Variants in PLOD3 observed in about 807,000 individuals in gnomAD.
PLOD3 encodes procollagen-lysine,2-oxoglutarate 5-dioxygenase 3, also known as multifunctional procollagen lysine hydroxylase and glycosyltransferase LH3.
A neutral mutation model predicts 96.9 loss-of-function variants in PLOD3; 73 were observed. The observed-to-expected ratio is 0.75, with a 90% CI of 0.62 to 0.92. The LOEUF is 0.92. Among genes scored for constraint, PLOD3 ranks in the 40% least tolerant of loss-of-function variants. The pLI is 0.00. For missense variants in PLOD3, 1,004 were observed against 1,004.3 expected (o/e 1.00, Z 0.00); for synonymous variants, 454 against 413.7 (o/e 1.10, Z -1.18).
intron 10 of PLOD3, 107 bp from the exon 11 acceptor site, chr7:101,212,057 C>T: frequency 1.9e-6 from 2 of 1,037,078 alleles, no homozygotes; most frequent in Non-Finnish European, 1.4e-6. Context: ...GTCTATCCTT[C>T]CTTCCCCAGG....
In PLOD3 at chr7:101,206,078, G is replaced by A; in HGVS notation, c.*203C>T. Reference sequence around the variant, plus strand: ...AAGCCCTGTGCCCACGAACCCCTGTGGGCGGAGGAGAGAGGCGGGGACTCC... The same window carrying A: ...AAGCCCTGTGCCCACGAACCCCTGTAGGCGGAGGAGAGAGGCGGGGACTCC... On this transcript the variant is annotated 3_prime_UTR_variant, in exon 19 of 19. Transcript: ENST00000223127. 4.5e-6 allele frequency: 3 copies of A among 666,314 alleles called. No individual in the cohort carries two copies. In the South Asian group the frequency reaches 5.0e-5, roughly 11 times the overall value. The allele number at this position is 666,314 out of a possible 1,614,324, so 41.3% of individuals were successfully genotyped here.
chr7:101,212,139 G>A, intron 10 of PLOD3, 114 bp downstream of exon 10: 2 of 1,386,442 alleles, frequency 1.4e-6, no homozygotes, highest in Non-Finnish European at 1.0e-6. Context: ...CGAATGGGGA[G>A]GCCCAGGAGG....
chr7:101,216,271 T>G lies in PLOD3; in HGVS notation c.394A>C (p.Ser132Arg). 6.2e-7 allele frequency: 1 copy of G among 1,613,618 alleles called. No individual in the cohort carries two copies. The highest frequency in any genetic ancestry group is 8.5e-7 in the Non-Finnish European group (1 of 1,180,020). ...GCAGAGAAGAGCAGGCGGCTGCCAC[T>G]CTGGACGAACTTCTTCAGCAGCTCT... ...PTELLKKFVQ[S>R]GSRLLFSAES... The change falls in exon 4 of 19, where the codon AGT becomes CGT. Residue 132 changes from serine (S) to arginine (R), a missense_variant. Ser to Arg is a moderately radical substitution (Grantham distance 110, BLOSUM62 -1). This residue lies in a region of PLOD3 where 690 missense variants were observed against 650.2 expected (regional missense o/e 1.06). Transcript: ENST00000223127.
chr7:101,211,759 C>A (rs781281985), intron 11 of PLOD3, 43 bp from the exon 12 acceptor site: 1 of 1,593,776 alleles, frequency 6.3e-7, no homozygotes, highest in South Asian at 1.1e-5. Flanking sequence ...CGGGAGCAGG[C>A]CTGGGGAGCC....
At position 101,216,566 on chromosome 7, in the gene PLOD3, G is replaced by A. The variant is rs1291853253; in HGVS notation, c.202-20C>T. On this transcript the variant is annotated intron_variant, in intron 2 of 18. Coordinates refer to ENST00000223127, the MANE Select transcript of PLOD3 (RefSeq NM_001084.5). ...CAGGGTCTGTGGAGAAGATTGCCCCGTGCCAGGCAAGGGGTGGGGAGTTGT... is the reference window on the plus strand; with the variant it reads ...CAGGGTCTGTGGAGAAGATTGCCCCATGCCAGGCAAGGGGTGGGGAGTTGT... 5 of 1,613,736 alleles carry A rather than the reference G, an allele frequency of 3.1e-6. No homozygotes were observed. Among genetic ancestry groups the A allele is most frequent in the East Asian group, 4.5e-5 (2 of 44,858 alleles).
At chr7:101,211,341 A>G in intron 12 of PLOD3, 1 of 478,020 alleles carries the variant, frequency 2.1e-6, no homozygotes, top group South Asian at 2.7e-5. Flanking sequence ...CACCGTGCCC[A>G]GCTAATATTT....
At position 101,217,398 on chromosome 7, in the gene PLOD3, C is replaced by T. The variant is rs867828998; in HGVS notation, c.-124G>A. ...GCTGCTGTGCGGCCGCCGCGGGGAG[C>T]AGCTTGGCTGGGGCTACGCCCTGAA... is the stretch of plus-strand genomic sequence containing the variant. On this transcript the variant is annotated 5_prime_UTR_variant, in exon 1 of 19. Coordinates refer to ENST00000223127, the MANE Select transcript of PLOD3 (RefSeq NM_001084.5). 2.0e-6 allele frequency: 2 copies of T among 994,204 alleles called. No individual in the cohort carries two copies. Among genetic ancestry groups the T allele is most frequent in the African/African-American group, 1.7e-5 (1 of 58,656 alleles). 61.6% of individuals were successfully genotyped at this position (994,204 alleles called of 1,614,324 possible). A position where few individuals can be genotyped will look rare whatever the true frequency, so the allele number is the denominator to read the frequency against.
At position 101,212,247 on chromosome 7, in the gene PLOD3, G is replaced by A. The variant is rs780052403; in HGVS notation, c.1127+6C>T. The A allele has an allele frequency of 8.1e-6, 13 of 1,611,920 alleles. No homozygotes were observed. In the East Asian group the frequency reaches 1.3e-4, roughly 17 times the overall value. On this transcript the variant is annotated splice_donor_region_variant and intron_variant, in intron 10 of 18. Coordinates refer to ENST00000223127, the MANE Select transcript of PLOD3 (RefSeq NM_001084.5). The stretch of plus-strand genomic sequence containing the variant: ...CACCCTCTCCTCCCCGCAAGCACCC[G>A]CTCACATGGCCATGTCCCTGGCCTC...
Position 101,206,101 on chromosome 7 carries a change from T to C in PLOD3, c.*180A>G. The C allele has an allele frequency of 1.4e-6, 1 of 715,174 alleles. No homozygotes were observed. The highest frequency in any genetic ancestry group is 2.6e-5 in the East Asian group (1 of 38,324). 44.3% of individuals were successfully genotyped at this position (715,174 alleles called of 1,614,324 possible). A position where few individuals can be genotyped will look rare whatever the true frequency, so the allele number is the denominator to read the frequency against. On this transcript the variant is annotated 3_prime_UTR_variant, in exon 19 of 19. Coordinates refer to ENST00000223127, the MANE Select transcript of PLOD3 (RefSeq NM_001084.5). ...GTGGGCGGAGGAGAGAGGCGGGGAC[T>C]CCGGGAGCTTCCTGAGAGGGCCGTG... is the stretch of plus-strand genomic sequence containing the variant.
rs771951643 is a variant in PLOD3 at position 101,206,847 on chromosome 7, G to A, written c.1993C>T (p.Arg665Trp). ...RYRPDEQPSL[R>W]PHHDSSTFTL... is the part of the protein sequence containing the mutation. ...AAGGTGGATGAGTCGTGGTGTGGCCGCAGAGACGGCTGCTCGTCTGGCCGG... is the reference window on the plus strand; with the variant it reads ...AAGGTGGATGAGTCGTGGTGTGGCCACAGAGACGGCTGCTCGTCTGGCCGG... The change falls in exon 18 of 19, where the codon CGG becomes TGG. Residue 665 changes from arginine (R) to tryptophan (W), a missense_variant. Arg to Trp is a moderately radical substitution (Grantham distance 101). This residue lies in a region of PLOD3 where 222 missense variants were observed against 220.4 expected (regional missense o/e 1.01). Coordinates refer to ENST00000223127, the MANE Select transcript of PLOD3 (RefSeq NM_001084.5). The A allele has an allele frequency of 2.7e-5, 42 of 1,568,434 alleles. No homozygotes were observed. Among genetic ancestry groups the A allele is most frequent in the Non-Finnish European group, 3.2e-5 (37 of 1,156,354 alleles).
At position 101,212,267 on chromosome 7, in the gene PLOD3, G is replaced by C. The variant is rs777248501; in HGVS notation, c.1113C>G (p.Ala371=). Reference sequence around the variant, plus strand: ...CACCCGCTCACATGGCCATGTCCCTGGCCTCGCCTGGGCTCAGAGCCTCCT... The same window carrying C: ...CACCCGCTCACATGGCCATGTCCCTCGCCTCGCCTGGGCTCAGAGCCTCCT... The part of the protein sequence containing the change: ...GPEEALSPGE[A]RDMAMDLCRQ... Residue 371 remains alanine, a synonymous_variant, in exon 10 of 19, where the codon GCC becomes GCG. Coordinates refer to ENST00000223127, the MANE Select transcript of PLOD3 (RefSeq NM_001084.5). 5.6e-6 allele frequency: 9 copies of C among 1,612,980 alleles called. No homozygotes were observed. Among genetic ancestry groups the C allele is most frequent in the African/African-American group, 2.7e-5 (2 of 74,892 alleles).
chr7:101,213,271 T>A, intron 6 of PLOD3, 67 bp from the exon 7 acceptor site: 1 of 1,041,556 alleles, frequency 9.6e-7, no homozygotes, highest in African/African-American at 1.6e-5. Context: ...CACATTCTTC[T>A]AAATATGGGG....
intron 6 of PLOD3, among the ~76,000 whole-genome samples, chr7:101,214,494 C>T (rs1798237391): frequency 6.6e-6 from 1 of 152,166 alleles, no homozygotes; most frequent in Non-Finnish European, 1.5e-5. Context: ...AAGCTGTTTT[C>T]CTCATCTGTA....
intron 16 of PLOD3, 140 bp from the exon 17 acceptor site, chr7:101,207,864 CGGCCT>C: frequency 1.1e-6 from 1 of 903,626 alleles, no homozygotes; most frequent in Admixed American, 2.3e-5. Flanking sequence ...TGCTACTTCT[CGGCCT>C]GACTCACTGC....
Position 101,216,193 on chromosome 7 carries a change from C to G in PLOD3, c.472G>C (p.Gly158Arg), listed in dbSNP as rs766353700. ...GAATTGAGGAAGCGCTTCCCCGTGC[C>G]CACCTCAGGGTACTGCTCCGCCAGC... ...WGLAEQYPEV[G>R]TGKRFLNSGG... The change falls in exon 4 of 19, where the codon GGC (glycine) becomes CGC (arginine). Residue 158 changes from glycine (G) to arginine (R), a missense_variant. Gly to Arg is a moderately radical substitution (Grantham distance 125, BLOSUM62 -2). Transcript: ENST00000223127. 1.2e-6 allele frequency: 2 copies of G among 1,614,068 alleles called. No homozygotes were observed. Among genetic ancestry groups the G allele is most frequent in the South Asian group, 2.2e-5 (2 of 91,090 alleles).
In PLOD3 at chr7:101,206,807, G is replaced by GC; in HGVS notation, c.2032dup (p.Ala678GlyfsTer10). ...ATAGTCCAGGCCCTTGTGGTTGAGG[G>GC]CAACGTTGAGGGTGAAGGTGGATGA... On this transcript the variant is annotated frameshift_variant, in exon 18 of 19. Transcript: ENST00000223127. LOFTEE classifies it low-confidence loss of function (END_TRUNC). 6.3e-7 allele frequency: 1 copy of GC among 1,582,682 alleles called. No homozygotes were observed. Among genetic ancestry groups the GC allele is most frequent in the Admixed American group, 1.8e-5 (1 of 55,062 alleles).
chr7:101,207,809 C>T (rs912057031), intron 16 of PLOD3, 85 bp from the exon 17 acceptor site: 28 of 1,448,146 alleles, frequency 1.9e-5, no homozygotes, highest in Middle Eastern at 2.2e-4. Flanking sequence ...TCCTCCCGTC[C>T]TCCAGCCTTC....
At chr7:101,213,061 G>T in intron 7 of PLOD3, 46 bp downstream of exon 7, 1 of 1,440,774 alleles carries the variant, frequency 6.9e-7, no homozygotes, top group Non-Finnish European at 9.7e-7. Flanking sequence ...GGAGGTGCCT[G>T]GGGGTTGGGG....
Position 101,216,538 on chromosome 7 carries a change from G to A in PLOD3, c.210C>T (p.Gly70=), listed in dbSNP as rs752387907. The change falls in exon 3 of 19, where the codon GGC becomes GGT. Residue 70 remains glycine (G), a synonymous_variant. Transcript: ENST00000223127. ...CACCCCCTCGCCACTCCTCTCCCAG[G>A]CCCAGGGTCTGTGGAGAAGATTGCC... ...EFFNYTVRTL[G]LGEEWRGGDV... is the part of the protein sequence containing the mutation. 1 of 1,613,954 alleles carries A rather than the reference G, an allele frequency of 6.2e-7. No homozygotes were observed. The highest frequency in any genetic ancestry group is 1.1e-5 in the South Asian group (1 of 91,078).
Sources: allele counts gnomAD v4.1 joint callset (sites outside exome capture counted in the v4.1 genomes callset), GRCh38; gene constraint gnomAD v4.1.1; regional missense constraint gnomAD v4.1.1; transcripts MANE v1.5; gene names NCBI Gene and HGNC (gene_info 2026-07-23, HGNC 2026-07-21).